The following LINGO2 variants were observed in gnomAD, a reference collection of about 807,000 sequenced individuals.
LINGO2 encodes the protein leucine-rich repeat and immunoglobulin-like domain-containing nogo receptor-interacting protein 2.
LINGO2 carries 14 observed loss-of-function variants against 30.6 expected under a neutral mutation model. That is an observed-to-expected ratio of 0.46 (90% CI 0.30 to 0.72). The LOEUF is 0.72. LINGO2 is among the 30% of genes least tolerant of loss of function. The probability of loss-of-function intolerance (pLI) is 0.07; values close to 1 mark genes in which losing one functional copy is unlikely to be tolerated. For synonymous variants in LINGO2, 317 were observed against 288.5 expected, an observed-to-expected ratio of 1.10 and a Z score of -1.00; for missense variants, 729 against 751.7, an observed-to-expected ratio of 0.97 and a Z score of 0.35.
intron 4 of LINGO2, among the ~76,000 whole-genome samples, chr9:28,030,592 C>G (rs1332569242): frequency 6.6e-6 from 1 of 152,194 alleles, no homozygotes; most frequent in Non-Finnish European, 1.5e-5. Flanking sequence ...CTTTAAGTAT[C>G]TAACAGCAGA....
chr9:29,139,360 A>T, the LINGO2 span, among the ~76,000 whole-genome samples: 1 of 152,194 alleles, frequency 6.6e-6, no homozygotes, highest in Non-Finnish European at 1.5e-5. Flanking sequence ...AAGCATAATT[A>T]TTGCAAACCA....
chr9:28,374,022 A>G (rs1466722201), intron 2 of LINGO2, among the ~76,000 whole-genome samples: 2 of 152,074 alleles, frequency 1.3e-5, no homozygotes, highest in Non-Finnish European at 2.9e-5. Flanking sequence ...TTACAGGCAT[A>G]TGTGAATCAC....
At chr9:28,018,393 G>A (rs116148020) in intron 4 of LINGO2, among the ~76,000 whole-genome samples, 2,166 of 151,994 alleles carry the variant, frequency 0.014, 24 homozygotes, top group South Asian at 0.034. Context: ...CTGCACAGCC[G>A]ATACAGAATG....
chr9:28,384,708 C>T (rs575147811), intron 2 of LINGO2, among the ~76,000 whole-genome samples: 3 of 151,940 alleles, frequency 2.0e-5, no homozygotes, highest in Non-Finnish European at 4.4e-5. Flanking sequence ...AATAAAATTA[C>T]TTTAAAAATA....
intron 5 of LINGO2, among the ~76,000 whole-genome samples, chr9:27,990,462 A>ACC (rs10671360): frequency 0.36 from 41,655 of 114,828 alleles, 7,515 homozygotes; most frequent in Middle Eastern, 0.51. Context: ...TGGTCTCAAT[A>ACC]CCCCCCCCCC....
chr9:28,686,174 G>A, the LINGO2 span, among the ~76,000 whole-genome samples: 2 of 151,426 alleles, frequency 1.3e-5, no homozygotes, highest in East Asian at 3.9e-4. Flanking sequence ...ATATCCTCAA[G>A]CCTTACATCT....
intron 1 of LINGO2, among the ~76,000 whole-genome samples, chr9:28,519,087 C>T (rs1030624950): frequency 1.3e-5 from 2 of 152,044 alleles, no homozygotes; most frequent in Non-Finnish European, 2.9e-5. Context: ...GGCTGGAGTG[C>T]GGTGGTATGA....
intron 4 of LINGO2, among the ~76,000 whole-genome samples, chr9:28,256,220 T>C (rs1257785323): frequency 1.3e-5 from 2 of 152,042 alleles, no homozygotes; most frequent in Admixed American, 1.3e-4. Context: ...ATTTCCTTAA[T>C]GCTCATATTT....
intron 5 of LINGO2, among the ~76,000 whole-genome samples, chr9:28,003,875 C>G (rs537702707): frequency 2.6e-5 from 4 of 152,134 alleles, no homozygotes; most frequent in African/African-American, 9.7e-5. Context: ...CATATGAAAA[C>G]TAGTCATCTT....
chr9:28,687,582 A>C, the LINGO2 span, among the ~76,000 whole-genome samples: 1 of 152,074 alleles, frequency 6.6e-6, no homozygotes, highest in African/African-American at 2.4e-5. Flanking sequence ...CATTTGAGTC[A>C]ACATATGTAG....
chr9:29,167,568 A>G, the LINGO2 span, among the ~76,000 whole-genome samples: 1 of 152,196 alleles, frequency 6.6e-6, no homozygotes, highest in East Asian at 1.9e-4. Flanking sequence ...GAGACTATAC[A>G]CAAAACCAAG....
At chr9:27,975,353 G>C (rs10757704) in intron 5 of LINGO2, among the ~76,000 whole-genome samples, 45,952 of 151,704 alleles carry the variant, frequency 0.3, 7,146 homozygotes, top group East Asian at 0.34. Flanking sequence ...ACTTGGAATA[G>C]TGGTAAATGC....
chr9:28,715,077 G>A, the LINGO2 span, among the ~76,000 whole-genome samples: 1 of 152,120 alleles, frequency 6.6e-6, no homozygotes. Flanking sequence ...ACTGTAACCT[G>A]ACTAAACAAA....
chr9:28,606,606 CT>C (rs1825703737), intron 1 of LINGO2, among the ~76,000 whole-genome samples: 1 of 151,998 alleles, frequency 6.6e-6, no homozygotes. Context: ...TTGACCTTAA[CT>C]TTCCTAGATG....
chr9:28,437,788 A>G (rs1824013933), intron 2 of LINGO2, among the ~76,000 whole-genome samples: 1 of 152,112 alleles, frequency 6.6e-6, no homozygotes, highest in Non-Finnish European at 1.5e-5. Context: ...CTGAAGGACA[A>G]ACAACATATA....
chr9:28,528,063 T>C (rs1414246420), intron 1 of LINGO2, among the ~76,000 whole-genome samples: 2 of 152,158 alleles, frequency 1.3e-5, no homozygotes, highest in Admixed American at 1.3e-4. Context: ...ATGTCATGTT[T>C]TTCTCAATGC....
At chr9:28,290,320 G>A (rs1351058782) in intron 4 of LINGO2, among the ~76,000 whole-genome samples, 2 of 152,132 alleles carry the variant, frequency 1.3e-5, no homozygotes, top group African/African-American at 4.8e-5. Context: ...AGCACCTGAG[G>A]AAAGTGCCCT....
chr9:28,466,481 G>A (rs1424086587), intron 2 of LINGO2, among the ~76,000 whole-genome samples: 2 of 152,110 alleles, frequency 1.3e-5, no homozygotes, highest in Admixed American at 6.6e-5. Flanking sequence ...GGGGGAGGTG[G>A]TGATGATAAA....
chr9:28,065,964 TTC>T (rs375732415), intron 4 of LINGO2, among the ~76,000 whole-genome samples: 20 of 152,102 alleles, frequency 1.3e-4, no homozygotes, highest in African/African-American at 4.3e-4. Flanking sequence ...GCATATAATG[TTC>T]TCTCTCTGTA....
Sources: allele counts gnomAD v4.1 joint callset (sites outside exome capture counted in the v4.1 genomes callset), GRCh38; gene constraint gnomAD v4.1.1; transcripts MANE v1.5; gene names NCBI Gene and HGNC (gene_info 2026-07-23, HGNC 2026-07-21).